Variants in PTPRM observed in about 807,000 individuals in gnomAD.
PTPRM encodes receptor-type tyrosine-protein phosphatase mu.
A neutral mutation model predicts 186.7 loss-of-function variants in PTPRM; 47 were observed. The observed-to-expected ratio is 0.25, with a 90% CI of 0.20 to 0.32. The LOEUF (loss-of-function observed/expected upper bound fraction) is 0.32. PTPRM is among the 10% of genes least tolerant of loss of function. PTPRM has a pLI of 1.00. For missense variants in PTPRM, 1,494 were observed against 1,865.0 expected (o/e 0.80, Z 3.66); for synonymous variants, 668 against 674.9 (o/e 0.99, Z 0.16).
chr18:7,738,949 C>G (rs2040831919), intron 1 of PTPRM, among the ~76,000 whole-genome samples: 1 of 152,136 alleles, frequency 6.6e-6, no homozygotes, highest in South Asian at 2.1e-4. Flanking sequence ...CACCGCCAGA[C>G]AGTGACCATG....
chr18:8,313,662 T>G (rs1263892322), intron 20 of PTPRM, among the ~76,000 whole-genome samples: 1 of 151,914 alleles, frequency 6.6e-6, no homozygotes, highest in Non-Finnish European at 1.5e-5. Flanking sequence ...TCTTTAGTGG[T>G]GATTTCTGAG....
At chr18:8,019,151 A>G (rs2085057747) in intron 7 of PTPRM, among the ~76,000 whole-genome samples, 1 of 152,164 alleles carries the variant, frequency 6.6e-6, no homozygotes, top group Non-Finnish European at 1.5e-5. Flanking sequence ...GACCACGTTG[A>G]GATTCTGTTG....
intron 2 of PTPRM, among the ~76,000 whole-genome samples, chr18:7,832,463 C>T (rs2045810429): frequency 9.5e-6 from 1 of 105,512 alleles, no homozygotes; most frequent in South Asian, 3.8e-4. Context: ...TGCCATTTTA[C>T]TTATTAGATA....
intron 4 of PTPRM, among the ~76,000 whole-genome samples, chr18:7,908,658 G>C (rs1413552138): frequency 1.3e-5 from 2 of 152,156 alleles, no homozygotes; most frequent in Non-Finnish European, 2.9e-5. Flanking sequence ...TGTTACTTTT[G>C]TGTCATGTTA....
chr18:7,966,770 C>T (rs911570997), intron 7 of PTPRM, among the ~76,000 whole-genome samples: 7 of 137,532 alleles, frequency 5.1e-5, no homozygotes, highest in East Asian at 2.0e-4. Context: ...CGGCGCACCA[C>T]GAGACTATAT....
chr18:8,235,923 T>C (rs2094340670), intron 14 of PTPRM, among the ~76,000 whole-genome samples: 2 of 152,194 alleles, frequency 1.3e-5, no homozygotes, highest in Non-Finnish European at 2.9e-5. Flanking sequence ...AATTCCATTG[T>C]AGTCTAACAG....
At chr18:8,313,380 A>C (rs2095283964) in intron 20 of PTPRM, among the ~76,000 whole-genome samples, 1 of 152,108 alleles carries the variant, frequency 6.6e-6, no homozygotes, top group Non-Finnish European at 1.5e-5. Context: ...CTCTGCTAAA[A>C]GGAACAGTTA....
intron 30 of PTPRM, among the ~76,000 whole-genome samples, chr18:8,384,891 C>T (rs978300724): frequency 1.4e-4 from 22 of 152,190 alleles, no homozygotes; most frequent in African/African-American, 5.1e-4. Context: ...TATTAAAGCA[C>T]GGCAAGGCAG....
At chr18:7,696,913 G>A (rs2039857258) in intron 1 of PTPRM, among the ~76,000 whole-genome samples, 1 of 152,148 alleles carries the variant, frequency 6.6e-6, no homozygotes, top group Non-Finnish European at 1.5e-5. Flanking sequence ...AGGGCCTGTC[G>A]ATGGGGGTGT....
intron 2 of PTPRM, among the ~76,000 whole-genome samples, chr18:7,884,492 A>C (rs1018317352): frequency 3.3e-5 from 5 of 152,164 alleles, no homozygotes; most frequent in African/African-American, 9.7e-5. Context: ...CCATGGGGGC[A>C]GTCCAGACAG....
At chr18:7,984,956 A>T (rs1356103597) in intron 7 of PTPRM, among the ~76,000 whole-genome samples, 2 of 124,014 alleles carry the variant, frequency 1.6e-5, no homozygotes, top group Non-Finnish European at 3.1e-5. Context: ...TACATATATA[A>T]TTATATACAT....
chr18:7,879,561 A>G (rs9961537), intron 2 of PTPRM, among the ~76,000 whole-genome samples: 4,188 of 152,226 alleles, frequency 0.028, 187 homozygotes, highest in African/African-American at 0.096. Flanking sequence ...GTGAAATAAT[A>G]TATTTTTCTT....
chr18:8,240,109 G>A (rs1193172218), intron 14 of PTPRM, among the ~76,000 whole-genome samples: 1 of 152,068 alleles, frequency 6.6e-6, no homozygotes, highest in African/African-American at 2.4e-5. Flanking sequence ...AAAAAGTAAG[G>A]TCTGAAACGG....
rs2090573368 is a variant in PTPRM, at chr18:8,088,970, T to A, written c.1856+119T>A. On this transcript the variant is annotated intron_variant, in intron 11 of 32. Coordinates refer to ENST00000580170, the MANE Select transcript of PTPRM (RefSeq NM_001105244.2). ...ATCTCAGCCAGCATGTAAATCCATA[T>A]GTTTATTAGCTCTAATTAAAAGTAA... 5 of 750,238 alleles carry A rather than the reference T, an allele frequency of 6.7e-6. No homozygotes were observed. The East Asian group carries it at 1.1e-4, about 16-fold the overall frequency. 46.5% of individuals were successfully genotyped at this position (750,238 alleles called of 1,614,324 possible).
rs1568071400 is a variant in PTPRM at position 7,955,227 on chromosome 18, C to T, written c.945C>T (p.Ala315=). The change falls in exon 7 of 33, where the codon GCC becomes GCT. Residue 315 remains alanine, a synonymous_variant. Transcript: ENST00000580170. ...NSINGDGPIV[A]REVEYCTASG... is the part of the protein sequence containing the mutation. Reference sequence around the variant, plus strand: ...TCAATGGGGATGGGCCCATTGTGGCCCGAGAGGTGGAGTACTGCACGGCCA... The same window carrying T: ...TCAATGGGGATGGGCCCATTGTGGCTCGAGAGGTGGAGTACTGCACGGCCA... The T allele has an allele frequency of 6.2e-7, 1 of 1,614,098 alleles. No homozygotes were observed. The highest frequency in any genetic ancestry group is 1.1e-5 in the South Asian group (1 of 91,060).
intron 1 of PTPRM, among the ~76,000 whole-genome samples, chr18:7,706,627 A>C (rs1009350660): frequency 3.4e-4 from 51 of 149,832 alleles, no homozygotes; most frequent in African/African-American, 1.2e-3. Flanking sequence ...AAAAAAAAAA[A>C]AAACAACAAA....
chr18:8,336,392 C>T (rs2095439146), intron 22 of PTPRM, among the ~76,000 whole-genome samples: 1 of 152,080 alleles, frequency 6.6e-6, no homozygotes, highest in Admixed American at 6.5e-5. Context: ...GACCCTATCT[C>T]TACCAAAAGT....
rs147625334 is a variant in PTPRM, at chr18:7,888,253, A to G, written c.344A>G (p.Asn115Ser). Reference sequence around the variant, plus strand: ...AGTAATTCTCCTCCGGGGTTACTCAATGTCTACGTGAAGGTCAATAACGGG... The same window carrying G: ...AGTAATTCTCCTCCGGGGTTACTCAGTGTCTACGTGAAGGTCAATAACGGG... ...SKSNSPPGLL[N>S]VYVKVNNGPL... Residue 115 changes from asparagine (N) to serine (S), a missense_variant, in exon 3 of 33, where the codon AAT becomes AGT. This residue lies in a region of PTPRM where 296 missense variants were observed against 345.5 expected (regional missense o/e 0.86). Coordinates refer to ENST00000580170, the MANE Select transcript of PTPRM (RefSeq NM_001105244.2). 1.6e-5 allele frequency: 26 copies of G among 1,614,040 alleles called. No homozygotes were observed. The highest frequency in any genetic ancestry group is 6.7e-5 in the African/African-American group (5 of 74,918).
chr18:7,842,688 C>A (rs1210142602), intron 2 of PTPRM, among the ~76,000 whole-genome samples: 2 of 151,784 alleles, frequency 1.3e-5, no homozygotes, highest in African/African-American at 4.8e-5. Context: ...AACATAGAAA[C>A]CCTGCCTGAG....
Sources: allele counts gnomAD v4.1 joint callset (sites outside exome capture counted in the v4.1 genomes callset), GRCh38; gene constraint gnomAD v4.1.1; regional missense constraint gnomAD v4.1.1; transcripts MANE v1.5; gene names NCBI Gene and HGNC (gene_info 2026-07-23, HGNC 2026-07-21).